PRKAR1A: variants seen among roughly 807,000 people sequenced by gnomAD.
PRKAR1A encodes the protein protein kinase cAMP-dependent type I regulatory subunit alpha.
A neutral mutation model predicts 52.0 loss-of-function variants in PRKAR1A; 3 were observed. The observed-to-expected ratio is 0.06, with a 90% CI of 0.03 to 0.15. The LOEUF (loss-of-function observed/expected upper bound fraction) is 0.15, where lower values mean the gene tolerates loss of function less well. PRKAR1A is among the 10% of genes least tolerant of loss of function. PRKAR1A has a pLI of 1.00. For missense variants in PRKAR1A, 240 were observed against 477.4 expected, an observed-to-expected ratio of 0.50 and a Z score of 4.63; for synonymous variants, 188 against 168.4, an observed-to-expected ratio of 1.12 and a Z score of -0.90.
chr17:68,424,296 A>G, the PRKAR1A span, among the ~76,000 whole-genome samples: 4 of 152,048 alleles, frequency 2.6e-5, no homozygotes, highest in Admixed American at 6.6e-5. Context: ...GCTGCGACCG[A>G]CCCGCAGAGC....
the PRKAR1A span, chr17:68,444,557 A>G: frequency 6.2e-7 from 1 of 1,614,112 alleles, no homozygotes; most frequent in Admixed American, 1.7e-5. Flanking sequence ...TGTTGTGAAT[A>G]TAAATGGACT....
upstream of PRKAR1A, among the ~76,000 whole-genome samples, chr17:68,511,447 G>A (rs1282157477): frequency 6.6e-6 from 1 of 152,112 alleles, no homozygotes; most frequent in Non-Finnish European, 1.5e-5. Context: ...TTCCCCATTA[G>A]TGCAGCTTGT....
the PRKAR1A span, chr17:68,457,374 C>T: frequency 1.3e-6 from 2 of 1,542,042 alleles, no homozygotes; most frequent in African/African-American, 1.4e-5. Flanking sequence ...AGCAGCTGAG[C>T]GCCGACTCAA....
intron 3 of PRKAR1A, 73 bp from the exon 4 acceptor site, chr17:68,523,652 T>C: frequency 1.7e-6 from 2 of 1,159,778 alleles, no homozygotes; most frequent in East Asian, 2.3e-5. Context: ...TGACATTTAA[T>C]TGAAGCGCAG....
the PRKAR1A span, chr17:68,424,451 A>T: frequency 5.6e-5 from 30 of 534,634 alleles, no homozygotes; most frequent in Non-Finnish European, 1.0e-4. Flanking sequence ...TCCTTTTACA[A>T]TTGGAAGCTC....
At chr17:68,468,138 G>C in the PRKAR1A span, among the ~76,000 whole-genome samples, 1 of 152,174 alleles carries the variant, frequency 6.6e-6, no homozygotes, top group Non-Finnish European at 1.5e-5. Flanking sequence ...TCCTTGTTAG[G>C]ATGGAGAGTG....
intron 10 of PRKAR1A, 93 bp from the exon 11 acceptor site, chr17:68,530,184 C>T (rs2085932312): frequency 2.0e-6 from 3 of 1,532,420 alleles, no homozygotes; most frequent in East Asian, 4.5e-5. Flanking sequence ...TACTGATTGT[C>T]TCATATCTAT....
chr17:68,484,401 A>AT, the PRKAR1A span, among the ~76,000 whole-genome samples: 2 of 150,332 alleles, frequency 1.3e-5, no homozygotes, highest in Admixed American at 1.3e-4. Flanking sequence ...AATTCAATTA[A>AT]TTTTTTTATT....
downstream of PRKAR1A, chr17:68,536,469 C>G (rs1252207513): frequency 4.4e-6 from 2 of 454,122 alleles, no homozygotes; most frequent in Non-Finnish European, 8.8e-6. Context: ...ATCCCTACTA[C>G]ACTTTCTTCT....
the PRKAR1A span, among the ~76,000 whole-genome samples, chr17:68,430,800 C>T: frequency 6.6e-6 from 1 of 152,196 alleles, no homozygotes; most frequent in South Asian, 2.1e-4. Context: ...CTCTGCCCCA[C>T]ACAGAGGGTG....
downstream of PRKAR1A, chr17:68,537,673 A>G (rs1288219404): frequency 1.9e-6 from 3 of 1,613,728 alleles, no homozygotes; most frequent in African/African-American, 1.3e-5. This position sits in a 1 kb window ranked among gnomAD's most constrained non-coding sequence, Gnocchi z 4.2. Flanking sequence ...TGATTCTCGC[A>G]TCACATCGCT....
At chr17:68,523,610 A>G (rs927718695) in intron 3 of PRKAR1A, 115 bp from the exon 4 acceptor site, 7 of 791,744 alleles carry the variant, frequency 8.8e-6, no homozygotes, top group East Asian at 5.0e-5. Context: ...AAACACTACA[A>G]AGCAGTCTTG....
chr17:68,522,634 TAACTTA>T, intron 2 of PRKAR1A, 116 bp from the exon 3 acceptor site: 2 of 1,123,084 alleles, frequency 1.8e-6, no homozygotes, highest in Admixed American at 2.0e-5. Context: ...GTTTTCCTCT[TAACTTA>T]CATTGTTAAT....
At chr17:68,427,018 A>G in the PRKAR1A span, 1 of 805,424 alleles carries the variant, frequency 1.2e-6, no homozygotes, top group Non-Finnish European at 2.0e-6. Flanking sequence ...GGGGAAGGGG[A>G]GGGAGGGCAC....
the PRKAR1A span, among the ~76,000 whole-genome samples, chr17:68,504,986 A>T: frequency 1.1e-4 from 17 of 152,170 alleles, no homozygotes; most frequent in African/African-American, 4.1e-4. Context: ...AGAGAAAAAC[A>T]TAGGGAGAAA....
chr17:68,447,493 T>C, the PRKAR1A span, among the ~76,000 whole-genome samples: 1 of 152,168 alleles, frequency 6.6e-6, no homozygotes, highest in Non-Finnish European at 1.5e-5. Flanking sequence ...ACGATCCTCC[T>C]GCCTCAGCCT....
the PRKAR1A span, among the ~76,000 whole-genome samples, chr17:68,481,344 A>G: frequency 6.6e-6 from 1 of 152,236 alleles, no homozygotes; most frequent in South Asian, 2.1e-4. Context: ...TACATGTAAT[A>G]TAGAATGAAA....
At chr17:68,530,127 C>G (rs2085928903) in intron 10 of PRKAR1A, 126 bp downstream of exon 10, 1 of 1,480,140 alleles carries the variant, frequency 6.8e-7, no homozygotes. Context: ...TTTTTTGGCT[C>G]TGAGAGGGAA....
the PRKAR1A span, chr17:68,430,017 C>T: frequency 6.2e-7 from 1 of 1,614,092 alleles, no homozygotes. Flanking sequence ...ACAGATGTTC[C>T]TCTGTCCGGA....
Sources: allele counts gnomAD v4.1 joint callset (sites outside exome capture counted in the v4.1 genomes callset), GRCh38; gene constraint gnomAD v4.1.1; non-coding constraint Gnocchi (gnomAD v3.1); transcripts MANE v1.5; gene names NCBI Gene and HGNC (gene_info 2026-07-23, HGNC 2026-07-21).